Variants in ARK2C observed in about 807,000 individuals in gnomAD.
ARK2C encodes the protein E3 ubiquitin-protein ligase ARK2C.
the ARK2C span, chr18:46,433,501 C>A: frequency 6.2e-7 from 1 of 1,602,684 alleles, no homozygotes; most frequent in Non-Finnish European, 8.5e-7. Context: ...GGTCTCGCAC[C>A]CCAGGTTGGT....
the ARK2C span, among the ~76,000 whole-genome samples, chr18:46,424,132 A>T: frequency 6.6e-6 from 1 of 152,352 alleles, no homozygotes; most frequent in East Asian, 1.9e-4. Flanking sequence ...CACAAATCAG[A>T]TGGAGAGGAG....
the ARK2C span, chr18:46,433,093 C>T: frequency 1.1e-6 from 1 of 894,486 alleles, no homozygotes; most frequent in East Asian, 2.7e-5. Flanking sequence ...AGGTCTTGAG[C>T]TTCACCAGCC....
At chr18:46,446,098 T>G in the ARK2C span, among the ~76,000 whole-genome samples, 1 of 152,200 alleles carries the variant, frequency 6.6e-6, no homozygotes, top group Non-Finnish European at 1.5e-5. Flanking sequence ...TTGGCATAAA[T>G]ACTTCATAGG....
At chr18:46,456,837 C>G in the ARK2C span, 1 of 556,148 alleles carries the variant, frequency 1.8e-6, no homozygotes, top group Non-Finnish European at 3.2e-6. Context: ...AGAATGGCGA[C>G]TGTCCCCATC....
the ARK2C span, chr18:46,456,502 T>C: frequency 6.3e-7 from 1 of 1,589,966 alleles, no homozygotes; most frequent in Admixed American, 1.7e-5. Flanking sequence ...CCTCTGACTC[T>C]CCCTCCTCTC....
At chr18:46,355,398 G>A in the ARK2C span, among the ~76,000 whole-genome samples, 1 of 152,154 alleles carries the variant, frequency 6.6e-6, no homozygotes, top group Non-Finnish European at 1.5e-5. Flanking sequence ...TGGTTCTATG[G>A]GATGAGGATT....
chr18:46,428,732 A>C, the ARK2C span, among the ~76,000 whole-genome samples: 1 of 152,258 alleles, frequency 6.6e-6, no homozygotes. Flanking sequence ...TTTTACATAG[A>C]ATACATATTG....
the ARK2C span, among the ~76,000 whole-genome samples, chr18:46,345,785 G>A: frequency 6.6e-6 from 1 of 152,178 alleles, no homozygotes; most frequent in African/African-American, 2.4e-5. Context: ...ATTTCATTCA[G>A]GCAGGTCAGT....
chr18:46,398,765 A>T, the ARK2C span, among the ~76,000 whole-genome samples: 104 of 151,758 alleles, frequency 6.9e-4, no homozygotes, highest in African/African-American at 2.3e-3. Context: ...TATCCCAAAT[A>T]CTCGGGCTCC....
chr18:46,366,018 C>T, the ARK2C span, among the ~76,000 whole-genome samples: 28 of 152,044 alleles, frequency 1.8e-4, no homozygotes, highest in East Asian at 1.2e-3. Flanking sequence ...CTTGGCTGGG[C>T]GCGGTGGCTC....
the ARK2C span, among the ~76,000 whole-genome samples, chr18:46,352,664 A>C: frequency 2.0e-5 from 3 of 152,276 alleles, no homozygotes; most frequent in East Asian, 5.8e-4. Flanking sequence ...AGATGGAGGA[A>C]GAAGGGAAAG....
At chr18:46,383,339 A>G in the ARK2C span, among the ~76,000 whole-genome samples, 8 of 152,330 alleles carry the variant, frequency 5.3e-5, no homozygotes, top group Non-Finnish European at 7.3e-5. Context: ...TAATGAGGGA[A>G]CCAGCAGGAT....
chr18:46,360,844 G>A, the ARK2C span, among the ~76,000 whole-genome samples: 1 of 152,204 alleles, frequency 6.6e-6, no homozygotes, highest in African/African-American at 2.4e-5. Context: ...TTCAGCCTTG[G>A]GGTGTTCAGC....
the ARK2C span, among the ~76,000 whole-genome samples, chr18:46,390,236 C>G: frequency 6.6e-6 from 1 of 152,228 alleles, no homozygotes; most frequent in East Asian, 1.9e-4. Context: ...TCCTGCTCCT[C>G]CTTCCCATCA....
the ARK2C span, among the ~76,000 whole-genome samples, chr18:46,357,661 C>T: frequency 1.3e-5 from 2 of 152,222 alleles, no homozygotes; most frequent in Non-Finnish European, 2.9e-5. Context: ...GCACAGAGGA[C>T]AGCAAGATGC....
At chr18:46,412,939 C>G in the ARK2C span, among the ~76,000 whole-genome samples, 50 of 152,156 alleles carry the variant, frequency 3.3e-4, no homozygotes, top group East Asian at 9.3e-3. Flanking sequence ...TCAAAATCCC[C>G]CAGAATTCCT....
At chr18:46,337,015 G>A in the ARK2C span, 1 of 985,414 alleles carries the variant, frequency 1.0e-6, no homozygotes, top group South Asian at 4.7e-5. Context: ...AATGTCAAGA[G>A]CATCTTTGGA....
chr18:46,399,947 G>A, the ARK2C span, among the ~76,000 whole-genome samples: 1 of 152,314 alleles, frequency 6.6e-6, no homozygotes, highest in South Asian at 2.1e-4. Flanking sequence ...ATGAAACCCT[G>A]CAAGGTGATC....
the ARK2C span, among the ~76,000 whole-genome samples, chr18:46,348,555 G>A: frequency 3.3e-5 from 5 of 152,274 alleles, no homozygotes; most frequent in Admixed American, 3.3e-4. Flanking sequence ...ACTGCTGGGA[G>A]GGTGGGAAAC....
Sources: gnomAD v4.1 joint callset for allele counts (sites outside exome capture counted in the v4.1 genomes callset) on GRCh38, gnomAD v4.1.1 for gene constraint, MANE v1.5 for transcripts, NCBI Gene and HGNC (gene_info 2026-07-23, HGNC 2026-07-21) for gene names.